Variants in WWOX observed in about 807,000 individuals in gnomAD.
WWOX encodes WW domain-containing oxidoreductase.
A neutral mutation model predicts 46.2 loss-of-function variants in WWOX; 69 were observed. That is an observed-to-expected ratio of 1.49 (90% CI 1.23 to 1.82). The LOEUF (loss-of-function observed/expected upper bound fraction) is 1.82. WWOX is among the 40% of genes most tolerant of loss of function. The pLI is 0.00. For synonymous variants in WWOX, 359 were observed against 202.6 expected, an observed-to-expected ratio of 1.77 and a Z score of -6.56; for missense variants, 919 against 542.6, an observed-to-expected ratio of 1.69 and a Z score of -6.89.
intron 5 of WWOX, among the ~76,000 whole-genome samples, chr16:78,201,084 C>T (rs1321743787): frequency 6.6e-6 from 1 of 152,142 alleles, no homozygotes; most frequent in Non-Finnish European, 1.5e-5. Context: ...TATTAATCCA[C>T]CCTGGATAGA....
At chr16:78,994,562 G>A (rs2046950393) in intron 8 of WWOX, among the ~76,000 whole-genome samples, 1 of 152,190 alleles carries the variant, frequency 6.6e-6, no homozygotes, top group Admixed American at 6.5e-5. Flanking sequence ...AGAAATGAAT[G>A]TGAAGACCGA....
chr16:78,153,746 A>C (rs577878607), intron 4 of WWOX, among the ~76,000 whole-genome samples: 10 of 152,226 alleles, frequency 6.6e-5, no homozygotes, highest in African/African-American at 2.4e-4. Flanking sequence ...GTAAGCCCCA[A>C]CTCCTTTGGG....
chr16:78,489,920 T>G (rs558761568), intron 8 of WWOX, among the ~76,000 whole-genome samples: 3 of 152,282 alleles, frequency 2.0e-5, no homozygotes, highest in African/African-American at 4.8e-5. Context: ...TTAATGTTTA[T>G]ATTCCACTGG....
intron 8 of WWOX, among the ~76,000 whole-genome samples, chr16:79,079,937 C>A (rs1200818328): frequency 7.8e-6 from 1 of 127,590 alleles, no homozygotes; most frequent in Non-Finnish European, 1.6e-5. Context: ...GTTCCTTCCA[C>A]CCCCTGGGAT....
chr16:78,626,873 A>G (rs12447267), intron 8 of WWOX, among the ~76,000 whole-genome samples: 81,893 of 151,700 alleles, frequency 0.54, 22,786 homozygotes, highest in East Asian at 0.63. Context: ...ATACTACTTT[A>G]TTTATTTTGT....
At chr16:78,351,760 G>A (rs540100830) in intron 5 of WWOX, among the ~76,000 whole-genome samples, 17 of 152,222 alleles carry the variant, frequency 1.1e-4, no homozygotes, top group African/African-American at 3.9e-4. Context: ...AGGTTCAAGC[G>A]ATTCTCCTCT....
At chr16:78,716,357 G>A (rs144673558) in intron 8 of WWOX, among the ~76,000 whole-genome samples, 3 of 152,078 alleles carry the variant, frequency 2.0e-5, no homozygotes, top group East Asian at 3.9e-4. Flanking sequence ...AGACTTCTGG[G>A]TTCCGCAACT....
chr16:78,188,635 G>T (rs1449490981), intron 5 of WWOX, among the ~76,000 whole-genome samples: 1 of 152,048 alleles, frequency 6.6e-6, no homozygotes, highest in Admixed American at 6.6e-5. Context: ...GATAATATTA[G>T]GGAAAAATAA....
chr16:78,101,482 G>T (rs138858068), intron 1 of WWOX, among the ~76,000 whole-genome samples: 2 of 151,794 alleles, frequency 1.3e-5, no homozygotes, highest in African/African-American at 2.4e-5. Flanking sequence ...GAATAGCTGG[G>T]ATTACAGGCG....
chr16:78,150,225 G>T (rs544987395), intron 4 of WWOX, among the ~76,000 whole-genome samples: 38 of 152,286 alleles, frequency 2.5e-4, no homozygotes, highest in African/African-American at 8.9e-4. Flanking sequence ...TATGATAAAG[G>T]ATATTACAAA....
chr16:78,390,042 C>T (rs12149962), intron 6 of WWOX, among the ~76,000 whole-genome samples: 7,251 of 152,190 alleles, frequency 0.048, 210 homozygotes, highest in Middle Eastern at 0.071. Context: ...CCACCCTGCC[C>T]GACCCTTTCA....
At chr16:78,993,833 A>T (rs540512446) in intron 8 of WWOX, among the ~76,000 whole-genome samples, 69 of 152,280 alleles carry the variant, frequency 4.5e-4, no homozygotes, top group African/African-American at 1.6e-3. Flanking sequence ...AGAAGCCAAG[A>T]CGCCTGTTCT....
chr16:78,430,808 C>T (rs773980543), intron 7 of WWOX, among the ~76,000 whole-genome samples: 2 of 152,112 alleles, frequency 1.3e-5, no homozygotes, highest in African/African-American at 4.8e-5. Flanking sequence ...TGGATGTCAC[C>T]GAGTCCTGTG....
chr16:78,466,902 G>A (rs72799936), intron 8 of WWOX, among the ~76,000 whole-genome samples: 19,713 of 152,006 alleles, frequency 0.13, 1,399 homozygotes, highest in Non-Finnish European at 0.16. Flanking sequence ...CAGTTGCAAC[G>A]TTGTAGCATG....
Position 78,329,782 on chromosome 16 carries a change from T to G in WWOX, c.517-57078T>G, listed in dbSNP as rs181801820. ...TTTTTTTTGAGACAGGGCCTTGCTT[T>G]GTCACCCTGGCTCAAGTGCAGTGGT... On this transcript the variant is annotated intron_variant, in intron 5 of 8. Transcript: ENST00000566780. Among the ~76,000 whole-genome samples, 666 of 151,844 alleles carry G rather than the reference T, an allele frequency of 4.4e-3. 3 individuals are homozygous for G. The highest frequency in any genetic ancestry group is 7.5e-3 in the Non-Finnish European group (509 of 67,924).
intron 8 of WWOX, among the ~76,000 whole-genome samples, chr16:78,717,107 G>C (rs2142340923): frequency 6.6e-6 from 1 of 152,316 alleles, no homozygotes; most frequent in East Asian, 1.9e-4. Context: ...ATTATTCCAA[G>C]AGATGGCTGT....
chr16:79,147,925 G>A (rs1183110130), intron 8 of WWOX, among the ~76,000 whole-genome samples: 2 of 151,974 alleles, frequency 1.3e-5, no homozygotes, highest in Non-Finnish European at 2.9e-5. Context: ...TATTTGAATT[G>A]TTGTATTATT....
intron 8 of WWOX, among the ~76,000 whole-genome samples, chr16:78,598,515 C>T (rs568813178): frequency 5.3e-5 from 8 of 152,154 alleles, no homozygotes; most frequent in East Asian, 1.9e-4. Context: ...ATATTTCTTG[C>T]CATGGCGAGA....
chr16:79,072,855 G>A (rs2048577351), intron 8 of WWOX, among the ~76,000 whole-genome samples: 1 of 152,172 alleles, frequency 6.6e-6, no homozygotes, highest in Non-Finnish European at 1.5e-5. Flanking sequence ...GAACCAGAAT[G>A]TGTGTAGCTG....
Sources: gnomAD v4.1 joint callset for allele counts (sites outside exome capture counted in the v4.1 genomes callset) on GRCh38, gnomAD v4.1.1 for gene constraint, MANE v1.5 for transcripts, NCBI Gene and HGNC (gene_info 2026-07-23, HGNC 2026-07-21) for gene names.